The following IQGAP2 variants were observed in gnomAD, a reference collection of about 807,000 sequenced individuals.
IQGAP2 encodes the protein IQ motif containing GTPase activating protein 2, also known as ras GTPase-activating-like protein IQGAP2.
A neutral mutation model predicts 201.3 loss-of-function variants in IQGAP2; 173 were observed. The ratio of observed to expected loss-of-function variants is 0.86; its 90% CI spans 0.76 to 0.98. The LOEUF (loss-of-function observed/expected upper bound fraction) is 0.98, where lower values mean the gene tolerates loss of function less well. Ranked by LOEUF, IQGAP2 falls within the 50% of genes least tolerant of loss-of-function variation. The pLI is 0.00. For missense variants in IQGAP2, 1,687 were observed against 1,864.8 expected, an observed-to-expected ratio of 0.90 and a Z score of 1.76; for synonymous variants, 675 against 673.9, an observed-to-expected ratio of 1.00 and a Z score of -0.03.
In IQGAP2 at chr5:76,562,421, G is replaced by A. The variant is rs565295016; in HGVS notation, c.172G>A (p.Glu58Lys). The change falls in exon 3 of 36, where the codon GAA (glutamate) becomes AAA (lysine). Residue 58 changes from glutamate to lysine, a missense_variant. By Grantham distance (56) the Glu-to-Lys change is moderately conservative. Coordinates refer to ENST00000274364, the MANE Select transcript of IQGAP2 (RefSeq NM_006633.5). The stretch of plus-strand genomic sequence containing the variant: ...GTGGATGGAAGTTTGCTTAGTTGAA[G>A]AATTGCCACCAACCACTGAATTGGA... ...KRWMEVCLVE[E>K]LPPTTELEEG... The A allele has an allele frequency of 2.4e-4, 394 of 1,613,356 alleles. 7 individuals are homozygous for A. The South Asian group carries it at 4.0e-3, about 16-fold the overall frequency.
intron 1 of IQGAP2, among the ~76,000 whole-genome samples, chr5:76,438,474 G>A (rs530382055): frequency 5.3e-5 from 8 of 151,684 alleles, no homozygotes; most frequent in Admixed American, 1.3e-4. Context: ...ATGGAGTGTC[G>A]CTGTGTTGTC....
intron 2 of IQGAP2, among the ~76,000 whole-genome samples, chr5:76,484,910 C>T (rs925361902): frequency 6.6e-6 from 1 of 152,208 alleles, no homozygotes; most frequent in African/African-American, 2.4e-5. Flanking sequence ...CGACTCATTG[C>T]AGACCTGACC....
At chr5:76,623,238 A>G in intron 13 of IQGAP2, 6 of 1,614,160 alleles carry the variant, frequency 3.7e-6, no homozygotes, top group Non-Finnish European at 5.1e-6. Flanking sequence ...CATTTTGATG[A>G]CCTGAGTCCC....
At chr5:76,471,526 T>A (rs1755110728) in intron 2 of IQGAP2, among the ~76,000 whole-genome samples, 1 of 152,152 alleles carries the variant, frequency 6.6e-6, no homozygotes. Context: ...CGGGTGTGAT[T>A]CCTTTTGTGT....
intron 31 of IQGAP2, chr5:76,694,086 T>C (rs909422633): frequency 4.6e-5 from 7 of 152,212 alleles, no homozygotes; most frequent in African/African-American, 1.7e-4. Context: ...TTTTCCTGGA[T>C]CATTCTTAAT....
intron 3 of IQGAP2, 64 bp downstream of exon 3, chr5:76,562,616 C>T: frequency 1.4e-6 from 2 of 1,414,838 alleles, no homozygotes; most frequent in South Asian, 2.5e-5. Flanking sequence ...TTCATATCCT[C>T]TCCCTTCTTT....
intron 10 of IQGAP2, 151 bp downstream of exon 10, chr5:76,597,753 C>G (rs1481846325): frequency 9.7e-6 from 7 of 724,066 alleles, no homozygotes; most frequent in South Asian, 1.9e-5. Flanking sequence ...AATTCCAAGG[C>G]CTTCTTCCTT....
At chr5:76,652,547 A>G (rs994464378) in intron 17 of IQGAP2, among the ~76,000 whole-genome samples, 5 of 152,190 alleles carry the variant, frequency 3.3e-5, no homozygotes, top group Admixed American at 2.0e-4. Context: ...TCCTAAGCTT[A>G]GAACTAGTCT....
chr5:76,540,145 C>T (rs1742667189), intron 2 of IQGAP2, among the ~76,000 whole-genome samples: 1 of 152,150 alleles, frequency 6.6e-6, no homozygotes, highest in Non-Finnish European at 1.5e-5. Context: ...AAGGTGTGTT[C>T]TCTTGGATGG....
At chr5:76,706,128 G>A (rs1698824109) in intron 35 of IQGAP2, among the ~76,000 whole-genome samples, 2 of 152,110 alleles carry the variant, frequency 1.3e-5, no homozygotes, top group African/African-American at 2.4e-5. Flanking sequence ...AATAGTATGA[G>A]CACTTCTCTC....
chr5:76,499,444 C>T (rs1308700743), intron 2 of IQGAP2, among the ~76,000 whole-genome samples: 2 of 152,150 alleles, frequency 1.3e-5, no homozygotes, highest in East Asian at 1.9e-4. Flanking sequence ...TAAAACAACT[C>T]CCTTAAAGGG....
At chr5:76,622,066 A>G (rs982298396) in intron 13 of IQGAP2, among the ~76,000 whole-genome samples, 2 of 152,128 alleles carry the variant, frequency 1.3e-5, no homozygotes, top group African/African-American at 4.8e-5. Flanking sequence ...CAAAACCACA[A>G]CGAAATAAGG....
At chr5:76,450,774 A>G (rs1330015426) in intron 1 of IQGAP2, among the ~76,000 whole-genome samples, 1 of 152,180 alleles carries the variant, frequency 6.6e-6, no homozygotes, top group Non-Finnish European at 1.5e-5. Context: ...AACCAGAGAA[A>G]CTTCTTGCTA....
At chr5:76,555,306 CAAT>C (rs779384562) in intron 2 of IQGAP2, among the ~76,000 whole-genome samples, 85 of 152,258 alleles carry the variant, frequency 5.6e-4, no homozygotes, top group Non-Finnish European at 9.1e-4. Context: ...GATTATATCT[CAAT>C]AAAGATGTTA....
At chr5:76,551,008 G>A (rs551141769) in intron 2 of IQGAP2, among the ~76,000 whole-genome samples, 116 of 151,218 alleles carry the variant, frequency 7.7e-4, no homozygotes, top group South Asian at 4.4e-3. Flanking sequence ...CCTCCCGGAC[G>A]GGGGTGGCTG....
chr5:76,661,031 A>T (rs140762515), intron 21 of IQGAP2, among the ~76,000 whole-genome samples: 123 of 152,152 alleles, frequency 8.1e-4, no homozygotes, highest in African/African-American at 2.8e-3. Flanking sequence ...AAAAATAATA[A>T]TCCAGAAGAA....
At chr5:76,578,937 C>T (rs1561479624) in intron 5 of IQGAP2, among the ~76,000 whole-genome samples, 1 of 149,262 alleles carries the variant, frequency 6.7e-6, no homozygotes, top group Non-Finnish European at 1.5e-5. Context: ...AGGCCTTTTA[C>T]GTAAGGGTAA....
At position 76,599,707 on chromosome 5, in the gene IQGAP2, T is replaced by G. The variant is rs111989164; in HGVS notation, c.1072-1105T>G. ...GTTTGCTGCGAGACTTCTGTGGAGATCCAGAAAGATATAATAATGCATTTT... is the reference window on the plus strand; with the variant it reads ...GTTTGCTGCGAGACTTCTGTGGAGAGCCAGAAAGATATAATAATGCATTTT... On this transcript the variant is annotated intron_variant, in intron 10 of 35. Coordinates refer to ENST00000274364, the MANE Select transcript of IQGAP2 (RefSeq NM_006633.5). Among the ~76,000 whole-genome samples the G allele has an allele frequency of 8.0e-3, 1,226 of 152,304 alleles. 16 individuals carry two copies. Among genetic ancestry groups the G allele is most frequent in the African/African-American group, 0.027 (1,139 of 41,560 alleles).
intron 2 of IQGAP2, among the ~76,000 whole-genome samples, chr5:76,548,006 G>C (rs1255861705): frequency 6.6e-6 from 1 of 152,170 alleles, no homozygotes; most frequent in Non-Finnish European, 1.5e-5. Flanking sequence ...GCTTTAAACT[G>C]GTGGCCACTT....
Sources: allele counts gnomAD v4.1 joint callset (sites outside exome capture counted in the v4.1 genomes callset), GRCh38; gene constraint gnomAD v4.1.1; transcripts MANE v1.5; gene names NCBI Gene and HGNC (gene_info 2026-07-23, HGNC 2026-07-21).